Variants in PLCB1 observed in about 807,000 individuals in gnomAD.
The protein encoded by PLCB1 is 1-phosphatidylinositol 4,5-bisphosphate phosphodiesterase beta-1.
Under a neutral mutation model 161.8 loss-of-function variants are expected in PLCB1, and 46 were observed. The observed-to-expected ratio is 0.28, with a 90% confidence interval of 0.22 to 0.36. The LOEUF (loss-of-function observed/expected upper bound fraction) is 0.36, where lower values mean the gene tolerates loss of function less well. Ranked by LOEUF, PLCB1 falls within the 10% of genes least tolerant of loss-of-function variation. The pLI, the probability that PLCB1 is intolerant of heterozygous loss-of-function variation, is 1.00. For synonymous variants in PLCB1, 517 were observed against 503.7 expected (o/e 1.03, Z -0.35); for missense variants, 1,016 against 1,472.5 (o/e 0.69, Z 5.07).
chr20:8,495,388 C>CTT lies in PLCB1; in HGVS notation c.246+123964_246+123965dup, dbSNP rs869173548. Among the ~76,000 whole-genome samples, 732 of 94,340 alleles carry CTT rather than the reference C, an allele frequency of 7.8e-3. 87 individuals are homozygous for CTT. Among genetic ancestry groups the CTT allele is most frequent in the African/African-American group, 0.018 (410 of 22,210 alleles). The allele number at this position is 94,340 out of a possible 152,430, so 61.9% of individuals were successfully genotyped here. On this transcript the variant is annotated intron_variant, in intron 3 of 31. Transcript: ENST00000338037. ...TGTGGACTTTGCCTTACCTTCCTTT[C>CTT]TTTTTTTTTTTTTTTTTTTTTTTTT...
chr20:8,727,017 T>G (rs1979976065), intron 16 of PLCB1, among the ~76,000 whole-genome samples: 1 of 152,064 alleles, frequency 6.6e-6, no homozygotes, highest in Admixed American at 6.6e-5. Context: ...TTGACAAATT[T>G]TTTTATTGCC....
intron 2 of PLCB1, among the ~76,000 whole-genome samples, chr20:8,202,002 A>G (rs990590875): frequency 6.6e-6 from 1 of 152,184 alleles, no homozygotes; most frequent in African/African-American, 2.4e-5. Flanking sequence ...CATGGTTAAT[A>G]TTAATCTTAT....
Position 8,486,416 on chromosome 20 carries a change from A to G in PLCB1, c.246+114966A>G, listed in dbSNP as rs867872368. On this transcript the variant is annotated intron_variant, in intron 3 of 31. Coordinates refer to ENST00000338037, the MANE Select transcript of PLCB1 (RefSeq NM_015192.4). ...AAAAGCTTTTTTCAGATTCAGAAAG[A>G]TAAAATATCAGCCATGTATTAAATG... Among the ~76,000 whole-genome samples the G allele has an allele frequency of 6.4e-4, 98 of 152,196 alleles. No homozygotes were observed. In the Middle Eastern group the frequency reaches 0.017, roughly 27 times the overall value.
intron 31 of PLCB1, among the ~76,000 whole-genome samples, chr20:8,851,369 A>G (rs1400051863): frequency 6.6e-6 from 1 of 152,222 alleles, no homozygotes; most frequent in Non-Finnish European, 1.5e-5. Context: ...GCAATTTATG[A>G]TATATGTGTT....
chr20:8,295,988 T>G (rs1983610472), intron 2 of PLCB1, among the ~76,000 whole-genome samples: 1 of 152,102 alleles, frequency 6.6e-6, no homozygotes, highest in Non-Finnish European at 1.5e-5. Context: ...TTTACTTATT[T>G]TTAACAGGAG....
In PLCB1 at chr20:8,765,484, C is replaced by T. The variant is rs1033471062; in HGVS notation, c.2930+126C>T. 10 of 675,336 alleles carry T rather than the reference C, an allele frequency of 1.5e-5. No individual in the cohort carries two copies. In the South Asian group the frequency reaches 1.9e-4, roughly 13 times the overall value. 41.8% of individuals were successfully genotyped at this position (675,336 alleles called of 1,614,324 possible). A position where few individuals can be genotyped will look rare whatever the true frequency, so the allele number is the denominator to read the frequency against. ...AGAAAACCACCTAACCTCCGTTCTC[C>T]ATAGCTTTTGTGGCACCTTAGCCCA... On this transcript the variant is annotated intron_variant, in intron 26 of 31. Transcript: ENST00000338037.
intron 2 of PLCB1, among the ~76,000 whole-genome samples, chr20:8,164,683 G>A (rs888863210): frequency 1.3e-5 from 2 of 152,198 alleles, no homozygotes; most frequent in African/African-American, 4.8e-5. Flanking sequence ...CTGCAAGGAT[G>A]TAATATCTGG....
At chr20:8,224,131 G>C (rs369567042) in intron 2 of PLCB1, among the ~76,000 whole-genome samples, 2 of 152,242 alleles carry the variant, frequency 1.3e-5, no homozygotes, top group East Asian at 3.9e-4. Context: ...GCTTGTTTTG[G>C]AAATCATTGT....
At chr20:8,497,696 G>A (rs1407718982) in intron 3 of PLCB1, among the ~76,000 whole-genome samples, 1 of 152,084 alleles carries the variant, frequency 6.6e-6, no homozygotes, top group African/African-American at 2.4e-5. Flanking sequence ...ATGATTGTGT[G>A]TGGGTGATTT....
intron 1 of PLCB1, among the ~76,000 whole-genome samples, chr20:8,149,955 GTTAATA>G (rs1568570450): frequency 6.6e-6 from 1 of 151,998 alleles, no homozygotes; most frequent in African/African-American, 2.4e-5. Flanking sequence ...ATGGATTTTA[GTTAATA>G]TTAATCATAA....
chr20:8,226,675 G>A (rs1979701964), intron 2 of PLCB1, among the ~76,000 whole-genome samples: 2 of 151,756 alleles, frequency 1.3e-5, no homozygotes, highest in South Asian at 4.2e-4. Context: ...AAATGAAAAG[G>A]AGCAAGTAAA....
At chr20:8,178,862 T>C (rs1180489808) in intron 2 of PLCB1, among the ~76,000 whole-genome samples, 1 of 152,232 alleles carries the variant, frequency 6.6e-6, no homozygotes, top group African/African-American at 2.4e-5. Context: ...GGCTGGCCAG[T>C]TATCCTAGCA....
chr20:8,528,221 T>A (rs1984659460), intron 3 of PLCB1, among the ~76,000 whole-genome samples: 1 of 152,000 alleles, frequency 6.6e-6, no homozygotes, highest in Non-Finnish European at 1.5e-5. Flanking sequence ...TGAAGACATA[T>A]GAATCCACAC....
chr20:8,231,335 C>T, intron 2 of PLCB1, among the ~76,000 whole-genome samples: 1 of 152,164 alleles, frequency 6.6e-6, no homozygotes. Flanking sequence ...CATTCCTAAC[C>T]TCTACTCACT....
intron 3 of PLCB1, among the ~76,000 whole-genome samples, chr20:8,547,566 C>T (rs1198048350): frequency 1.3e-5 from 2 of 151,936 alleles, no homozygotes; most frequent in Non-Finnish European, 2.9e-5. Flanking sequence ...GTTCTATGTT[C>T]TGAAATAGTA....
At chr20:8,607,321 A>C (rs1190686748) in intron 3 of PLCB1, among the ~76,000 whole-genome samples, 1 of 152,230 alleles carries the variant, frequency 6.6e-6, no homozygotes, top group Non-Finnish European at 1.5e-5. Context: ...TCTTCCAAAA[A>C]TATAAATTAA....
intron 9 of PLCB1, among the ~76,000 whole-genome samples, chr20:8,658,970 G>A (rs987807264): frequency 4.6e-5 from 7 of 151,940 alleles, no homozygotes; most frequent in Admixed American, 1.3e-4. Flanking sequence ...TCAAATTCAC[G>A]CAGTGACTGA....
chr20:8,704,579 C>T (rs1978556119), intron 11 of PLCB1, among the ~76,000 whole-genome samples: 2 of 152,224 alleles, frequency 1.3e-5, no homozygotes, highest in African/African-American at 2.4e-5. Flanking sequence ...AATGATCAGA[C>T]TAGTCCAAGG....
chr20:8,710,705 G>A (rs887840710), intron 12 of PLCB1, among the ~76,000 whole-genome samples: 2 of 151,648 alleles, frequency 1.3e-5, no homozygotes, highest in Non-Finnish European at 2.9e-5. Context: ...GTAGACACGG[G>A]GATTCTCCAT....
Sources: gnomAD v4.1 joint callset for allele counts (sites outside exome capture counted in the v4.1 genomes callset) on GRCh38, gnomAD v4.1.1 for gene constraint, MANE v1.5 for transcripts, NCBI Gene and HGNC (gene_info 2026-07-23, HGNC 2026-07-21) for gene names.